Variants in ZNF208 observed in about 807,000 individuals in gnomAD.
The protein encoded by ZNF208 is zinc finger protein 95.
In ZNF208, 10 loss-of-function variants were observed where a neutral mutation model predicts 12.1. The ratio of observed to expected loss-of-function variants is 0.83; its 90% CI spans 0.51 to 1.40. The LOEUF (loss-of-function observed/expected upper bound fraction) is 1.40, where lower values mean the gene tolerates loss of function less well. Ranked by LOEUF, ZNF208 falls within the 40% of genes most tolerant of loss-of-function variation. The probability of loss-of-function intolerance (pLI) is 0.00; values close to 1 mark genes in which losing one functional copy is unlikely to be tolerated. For synonymous variants in ZNF208, 497 were observed against 488.4 expected (o/e 1.02, Z -0.23); for missense variants, 1,652 against 1,485.0 (o/e 1.11, Z -1.85).
rs774679770 is a variant in ZNF208 at position 21,973,814 on chromosome 19, C to T, written c.1220G>A (p.Ser407Asn). The T allele has an allele frequency of 4.4e-6, 7 of 1,604,722 alleles. No homozygotes were observed. In the East Asian group the frequency reaches 1.1e-4, roughly 26 times the overall value. The change falls in exon 4 of 4, where the codon AGT becomes AAT. Residue 407 changes from serine (S) to asparagine (N), a missense_variant. Physicochemically the swap from Ser to Asn is conservative, Grantham distance 46. Transcript: ENST00000397126. ...YKCEECGKGF[S>N]MFSILTKHEV... ...ATGTTTAGTAAGGATTGAGAACATA[C>T]TAAAACCTTTGCCACATTCTTCACA... is the stretch of plus-strand genomic sequence containing the variant.
At chr19:22,004,241 GTA>G (rs1276616225) in intron 1 of ZNF208, among the ~76,000 whole-genome samples, 11 of 152,124 alleles carry the variant, frequency 7.2e-5, no homozygotes, top group African/African-American at 2.6e-4. Context: ...TATGGGCTGG[GTA>G]TGGTGGCTCA....
In ZNF208 at chr19:21,982,313, G is replaced by A. The variant is rs1195343979; in HGVS notation, c.226+4903C>T. ...GTGGAGCTTGCAGTGAGCTGAGATC[G>A]CACCACTGCACTTCAGCCTGGGTGA... On this transcript the variant is annotated intron_variant, in intron 3 of 3. Coordinates refer to ENST00000397126, the MANE Select transcript of ZNF208 (RefSeq NM_007153.3). Among the ~76,000 whole-genome samples the A allele has an allele frequency of 5.6e-5, 8 of 141,806 alleles. No homozygotes were observed. In the East Asian group the frequency reaches 6.3e-4, roughly 11 times the overall value. 93.0% of individuals were successfully genotyped at this position (141,806 alleles called of 152,430 possible).
rs1441012238 is a variant in ZNF208 at position 21,969,782 on chromosome 19, T to C, written c.*1409A>G. ...ATGTGTTTCCTCAAAATAAATATTC[T>C]TCTGTACTTTAACAGCTTTTATTTT... is the stretch of plus-strand genomic sequence containing the variant. On this transcript the variant is annotated 3_prime_UTR_variant, in exon 4 of 4. Transcript: ENST00000397126. Among the ~76,000 whole-genome samples, 1 of 152,160 alleles carries C rather than the reference T, an allele frequency of 6.6e-6. No individual in the cohort carries two copies. Among genetic ancestry groups the C allele is most frequent in the Non-Finnish European group, 1.5e-5 (1 of 68,016 alleles).
chr19:22,003,478 T>C (rs1361268320), intron 1 of ZNF208, among the ~76,000 whole-genome samples: 1 of 139,228 alleles, frequency 7.2e-6, no homozygotes, highest in Non-Finnish European at 1.5e-5. Flanking sequence ...AAAACAAGTT[T>C]ACAAGAAAAA....
intron 1 of ZNF208, among the ~76,000 whole-genome samples, chr19:21,989,113 T>A (rs1371321885): frequency 1.3e-5 from 2 of 152,008 alleles, no homozygotes; most frequent in South Asian, 2.1e-4. Flanking sequence ...ATACTTCAAG[T>A]TTTATGGTAC....
rs759018442 is a variant in ZNF208, at chr19:21,974,736, A to G, written c.298T>C (p.Leu100=). 3 of 1,612,094 alleles carry G rather than the reference A, an allele frequency of 1.9e-6. No individual in the cohort carries two copies. Among genetic ancestry groups the G allele is most frequent in the East Asian group, 2.2e-5 (1 of 44,802 alleles). ...GIEDSFQKVI[L]RRYEKCGHEN... ...TGTCCACATTTTTCATACCTTCTCA[A>G]TATCACTTTTTGGAAAGAATCTTCT... The change falls in exon 4 of 4, where the codon TTG becomes CTG. Residue 100 remains leucine (L), a synonymous_variant. Coordinates refer to ENST00000397126, the MANE Select transcript of ZNF208 (RefSeq NM_007153.3).
intron 4 of ZNF208, among the ~76,000 whole-genome samples, chr19:21,955,873 C>A (rs542830230): frequency 6.6e-6 from 1 of 152,208 alleles, no homozygotes; most frequent in African/African-American, 2.4e-5. Flanking sequence ...TGTTTCTTTG[C>A]TGGTGAGGAA....
intron 3 of ZNF208, among the ~76,000 whole-genome samples, chr19:21,981,129 T>C (rs1970529889): frequency 6.6e-6 from 1 of 151,604 alleles, no homozygotes; most frequent in Non-Finnish European, 1.5e-5. Flanking sequence ...GTACCAGAGG[T>C]ACAAAGAAGA....
chr19:21,952,184 G>A (rs943554794), intron 4 of ZNF208, among the ~76,000 whole-genome samples: 2 of 152,196 alleles, frequency 1.3e-5, no homozygotes, highest in African/African-American at 4.8e-5. Flanking sequence ...GTTCAGCAAG[G>A]CCTACTGCCT....
At chr19:21,942,452 T>C (rs1969755715) in intron 4 of ZNF208, among the ~76,000 whole-genome samples, 1 of 152,170 alleles carries the variant, frequency 6.6e-6, no homozygotes, top group Admixed American at 6.5e-5. Context: ...CTAATATTGA[T>C]TGATGATGGG....
chr19:21,963,778 G>A (rs1209905499), downstream of ZNF208, among the ~76,000 whole-genome samples: 1 of 152,028 alleles, frequency 6.6e-6, no homozygotes, highest in East Asian at 1.9e-4. Flanking sequence ...TTTACAGTCT[G>A]GGGCTATAAT....
Position 21,982,250 on chromosome 19 carries a change from C to T in ZNF208, c.226+4966G>A, listed in dbSNP as rs192023290. Reference sequence around the variant, plus strand: ...GCAGGCGCCTGTAGTCCCAGCTACTCGGGAGGCTGAGGCAGGAGAATGGCG... The same window carrying T: ...GCAGGCGCCTGTAGTCCCAGCTACTTGGGAGGCTGAGGCAGGAGAATGGCG... On this transcript the variant is annotated intron_variant, in intron 3 of 3. Coordinates refer to ENST00000397126, the MANE Select transcript of ZNF208 (RefSeq NM_007153.3). Among the ~76,000 whole-genome samples the T allele has an allele frequency of 7.8e-3, 1,169 of 149,432 alleles. 9 individuals carry two copies. Among genetic ancestry groups the T allele is most frequent in the African/African-American group, 0.027 (1,092 of 40,766 alleles).
rs187861295 is a variant in ZNF208, at chr19:21,976,574, T to C, written c.227-1767A>G. ...CTAATAGATTTATTAACATTTATTCTTTTGAGACAAAGTTTTACTTTTGTT... is the reference window on the plus strand; with the variant it reads ...CTAATAGATTTATTAACATTTATTCCTTTGAGACAAAGTTTTACTTTTGTT... On this transcript the variant is annotated intron_variant, in intron 3 of 3. Coordinates refer to ENST00000397126, the MANE Select transcript of ZNF208 (RefSeq NM_007153.3). 6.6e-5 allele frequency among the ~76,000 whole-genome samples: 10 copies of C among 152,330 alleles called. No homozygotes were observed. The East Asian group carries it at 1.9e-3, about 29-fold the overall frequency.
rs776566935 is a variant in ZNF208 at position 21,967,111 on chromosome 19, A to G, written c.*4080T>C. ...TTTTTATTTTTGTTGCACTCATGTT[A>G]GATGTTAGTCATAAATTCTTTACAG... On this transcript the variant is annotated 3_prime_UTR_variant, in exon 4 of 4. Coordinates refer to ENST00000397126, the MANE Select transcript of ZNF208 (RefSeq NM_007153.3). The G allele has an allele frequency of 3.9e-5, 6 of 152,034 alleles. No individual in the cohort carries two copies. Among genetic ancestry groups the G allele is most frequent in the Non-Finnish European group, 7.4e-5 (5 of 67,994 alleles). 9.4% of individuals were successfully genotyped at this position (152,034 alleles called of 1,614,324 possible).
Position 21,966,513 on chromosome 19 carries a change from G to C in ZNF208, c.*4678C>G, listed in dbSNP as rs1298011725. 2 of 152,066 alleles carry C rather than the reference G, an allele frequency of 1.3e-5. No homozygotes were observed. The highest frequency in any genetic ancestry group is 1.9e-4 in the East Asian group (1 of 5,184). The allele number at this position is 152,066 out of a possible 1,614,324, so 9.4% of individuals were successfully genotyped here. A position where few individuals can be genotyped will look rare whatever the true frequency, so the allele number is the denominator to read the frequency against. On this transcript the variant is annotated 3_prime_UTR_variant, in exon 4 of 4. Coordinates refer to ENST00000397126, the MANE Select transcript of ZNF208 (RefSeq NM_007153.3). ...TTTTCTTATCCAATAAAAGATTCAT[G>C]GGTAACTGGTTAAATTCTGTTTTTG...
intron 1 of ZNF208, among the ~76,000 whole-genome samples, chr19:21,995,951 T>C (rs1189508336): frequency 6.6e-6 from 1 of 152,186 alleles, no homozygotes; most frequent in Non-Finnish European, 1.5e-5. Context: ...TTTCTGTAAA[T>C]TCTCAATCCA....
At chr19:21,963,256 A>T (rs1317820861), downstream of ZNF208, among the ~76,000 whole-genome samples, 1 of 152,088 alleles carries the variant, frequency 6.6e-6, no homozygotes, top group Non-Finnish European at 1.5e-5. Context: ...ACCAAGAGGA[A>T]TTTATCTCAT....
At chr19:21,997,245 C>T (rs745955225) in intron 1 of ZNF208, among the ~76,000 whole-genome samples, 21 of 152,326 alleles carry the variant, frequency 1.4e-4, no homozygotes, top group Non-Finnish European at 2.1e-4. Context: ...GAATTTACAG[C>T]ACCATGTCAT....
downstream of ZNF208, among the ~76,000 whole-genome samples, chr19:21,961,835 G>T (rs1311611238): frequency 6.6e-6 from 1 of 152,048 alleles, no homozygotes; most frequent in Non-Finnish European, 1.5e-5. Flanking sequence ...CAGACCTTAT[G>T]GTTGTCTTCA....
Sources: allele counts gnomAD v4.1 joint callset (sites outside exome capture counted in the v4.1 genomes callset), GRCh38; gene constraint gnomAD v4.1.1; transcripts MANE v1.5; gene names NCBI Gene and HGNC (gene_info 2026-07-23, HGNC 2026-07-21).